The following NAALADL2 variants were observed in gnomAD, a reference collection of about 807,000 sequenced individuals.
The protein encoded by NAALADL2 is inactive N-acetylated-alpha-linked acidic dipeptidase-like protein 2.
In NAALADL2, 76 loss-of-function variants were observed where a neutral mutation model predicts 87.2. The observed-to-expected ratio is 0.87, with a 90% CI of 0.72 to 1.05. The LOEUF is 1.05. Ranked by LOEUF, NAALADL2 falls within the 50% of genes least tolerant of loss-of-function variation. The pLI is 0.00. For synonymous variants in NAALADL2, 354 were observed against 331.0 expected (o/e 1.07, Z -0.75); for missense variants, 1,089 against 945.8 (o/e 1.15, Z -1.99).
intron 11 of NAALADL2, among the ~76,000 whole-genome samples, chr3:175,680,853 G>A (rs1036086473): frequency 6.6e-6 from 1 of 152,118 alleles, no homozygotes; most frequent in African/African-American, 2.4e-5. Flanking sequence ...AGTAGCTCAC[G>A]CCTGTAATCC....
chr3:175,021,286 C>G (rs967827520), intron 1 of NAALADL2, among the ~76,000 whole-genome samples: 1 of 151,990 alleles, frequency 6.6e-6, no homozygotes, highest in African/African-American at 2.4e-5. Context: ...TGGGACCATG[C>G]CTTTTCTGTT....
intron 1 of NAALADL2, among the ~76,000 whole-genome samples, chr3:174,522,397 C>G (rs6785602): frequency 0.26 from 39,791 of 151,926 alleles, 5,424 homozygotes; most frequent in African/African-American, 0.32. Context: ...GGCTGAGCTT[C>G]TTGGCTCAAT....
chr3:175,483,141 A>G (rs1435641059), intron 9 of NAALADL2, among the ~76,000 whole-genome samples: 2 of 151,958 alleles, frequency 1.3e-5, no homozygotes. Flanking sequence ...TGTTATATAT[A>G]ATAACATATA....
chr3:174,768,966 A>G (rs1251397486), intron 3 of NAALADL2, among the ~76,000 whole-genome samples: 1 of 151,918 alleles, frequency 6.6e-6, no homozygotes, highest in East Asian at 1.9e-4. Context: ...ACTTATCGCT[A>G]TGGGTTGCTT....
At chr3:174,741,334 T>G (rs1733739854) in intron 3 of NAALADL2, among the ~76,000 whole-genome samples, 1 of 151,724 alleles carries the variant, frequency 6.6e-6, no homozygotes, top group South Asian at 2.1e-4. Flanking sequence ...AGTCTATTTG[T>G]TTAAAATGCA....
chr3:175,396,613 G>A lies in NAALADL2; in HGVS notation c.1091-50616G>A, dbSNP rs115972321. On this transcript the variant is annotated intron_variant, in intron 5 of 13. Coordinates refer to ENST00000454872, the MANE Select transcript of NAALADL2 (RefSeq NM_207015.3). ...GAGACGCCAGAAATCTAGGTCTTTGGTTATACTTACTGACATGGTTTGGCT... is the reference window on the plus strand; with the variant it reads ...GAGACGCCAGAAATCTAGGTCTTTGATTATACTTACTGACATGGTTTGGCT... 4.2e-3 allele frequency among the ~76,000 whole-genome samples: 645 copies of A among 152,114 alleles called. 11 individuals carry two copies. The highest frequency in any genetic ancestry group is 0.015 in the African/African-American group (619 of 41,518).
At chr3:175,767,212 TA>T (rs139029191) in intron 13 of NAALADL2, among the ~76,000 whole-genome samples, 8 of 151,842 alleles carry the variant, frequency 5.3e-5, no homozygotes, top group African/African-American at 1.7e-4. Flanking sequence ...TTTAACTGAT[TA>T]AAAAAAATAG....
chr3:175,790,944 C>A (rs1049401417), intron 13 of NAALADL2, among the ~76,000 whole-genome samples: 5 of 152,150 alleles, frequency 3.3e-5, no homozygotes, highest in African/African-American at 1.2e-4. Context: ...ATATGTAAAA[C>A]TCACTGGAGG....
At chr3:175,133,239 T>G (rs1239579173) in intron 2 of NAALADL2, among the ~76,000 whole-genome samples, 4 of 134,146 alleles carry the variant, frequency 3.0e-5, no homozygotes, top group East Asian at 4.7e-4. Flanking sequence ...CTTTCCAGAC[T>G]GGGCAGCCAG....
intron 2 of NAALADL2, among the ~76,000 whole-genome samples, chr3:175,170,777 C>A (rs1297113756): frequency 6.6e-6 from 1 of 151,320 alleles, no homozygotes; most frequent in Non-Finnish European, 1.5e-5. Flanking sequence ...CGTGATGTTG[C>A]CATTAAGCAT....
At chr3:175,418,991 C>A (rs1715180434) in intron 5 of NAALADL2, among the ~76,000 whole-genome samples, 1 of 151,706 alleles carries the variant, frequency 6.6e-6, no homozygotes, top group South Asian at 2.1e-4. Flanking sequence ...GAGTGATCAT[C>A]ACTTTTCTGT....
At chr3:175,237,787 TG>T in intron 3 of NAALADL2, among the ~76,000 whole-genome samples, 1 of 152,280 alleles carries the variant, frequency 6.6e-6, no homozygotes, top group Middle Eastern at 3.4e-3. Context: ...GTTGTTTTTC[TG>T]GGCATGTTGT....
intron 6 of NAALADL2, among the ~76,000 whole-genome samples, chr3:175,458,073 C>A (rs1010037510): frequency 1.3e-5 from 2 of 151,916 alleles, no homozygotes; most frequent in African/African-American, 4.8e-5. Context: ...ACTCATTATT[C>A]TTCGGGTATT....
chr3:174,662,601 G>A, intron 2 of NAALADL2, among the ~76,000 whole-genome samples: 1 of 151,060 alleles, frequency 6.6e-6, no homozygotes, highest in Non-Finnish European at 1.5e-5. Flanking sequence ...CATCCTTGTT[G>A]AAAGAAAAGT....
intron 2 of NAALADL2, among the ~76,000 whole-genome samples, chr3:174,622,190 C>A (rs939594503): frequency 5.3e-5 from 8 of 152,104 alleles, no homozygotes; most frequent in African/African-American, 1.7e-4. Context: ...CTTAGCTGGG[C>A]AAATGGATTT....
Position 175,132,023 on chromosome 3 carries a change from G to A in NAALADL2, c.545+34732G>A, listed in dbSNP as rs1407145430. Among the ~76,000 whole-genome samples the A allele has an allele frequency of 3.1e-4, 39 of 126,798 alleles. 1 individual carries two copies. The East Asian group carries it at 6.0e-3, about 19-fold the overall frequency. The allele number at this position is 126,798 out of a possible 152,430, so 83.2% of individuals were successfully genotyped here. On this transcript the variant is annotated intron_variant, in intron 2 of 13. Coordinates refer to ENST00000454872, the MANE Select transcript of NAALADL2 (RefSeq NM_207015.3). ...TGACCCCCCCACCTCCCTCCCGGAC[G>A]GGGCGGCTGGCCAGGCAGAGGGGCT...
intron 2 of NAALADL2, among the ~76,000 whole-genome samples, chr3:174,661,466 G>C (rs1203040609): frequency 6.6e-6 from 1 of 152,086 alleles, no homozygotes; most frequent in African/African-American, 2.4e-5. Context: ...TAGTTACTTA[G>C]AAGGAGGAAC....
chr3:175,474,004 G>A (rs114302623), intron 9 of NAALADL2, among the ~76,000 whole-genome samples: 4,680 of 152,166 alleles, frequency 0.031, 219 homozygotes, highest in African/African-American at 0.11. Flanking sequence ...GAGGTTGTAC[G>A]AATTTACATT....
intron 2 of NAALADL2, among the ~76,000 whole-genome samples, chr3:175,221,868 A>G (rs1580992334): frequency 6.6e-6 from 1 of 151,828 alleles, no homozygotes; most frequent in African/African-American, 2.4e-5. Context: ...TCCACCTCCC[A>G]GGTTCAAGCC....
Sources: gnomAD v4.1 joint callset for allele counts (sites outside exome capture counted in the v4.1 genomes callset) on GRCh38, gnomAD v4.1.1 for gene constraint, MANE v1.5 for transcripts, NCBI Gene and HGNC (gene_info 2026-07-23, HGNC 2026-07-21) for gene names.